RIPOR2: variants seen among roughly 807,000 people sequenced by gnomAD.
RIPOR2 encodes the protein rho family-interacting cell polarization regulator 2.
RIPOR2 carries 39 observed loss-of-function variants against 114.5 expected under a neutral mutation model. That is an observed-to-expected ratio of 0.34 (90% confidence interval 0.26 to 0.44). RIPOR2 has a LOEUF of 0.44. Among genes scored for constraint, RIPOR2 ranks in the 20% least tolerant of loss-of-function variants. The pLI, the probability that RIPOR2 is intolerant of heterozygous loss-of-function variation, is 1.00. For synonymous variants in RIPOR2, 445 were observed against 484.4 expected, an observed-to-expected ratio of 0.92 and a Z score of 1.07; for missense variants, 1,007 against 1,255.1, an observed-to-expected ratio of 0.80 and a Z score of 2.99.
chr6:25,029,411 G>GAAAAA (rs71544610), intron 1 of RIPOR2, among the ~76,000 whole-genome samples: 1,032 of 90,536 alleles, frequency 0.011, 3 homozygotes, highest in Non-Finnish European at 0.015. Flanking sequence ...TCTCAAAAAA[G>GAAAAA]AAAAAAAAAA....
At chr6:24,888,531 G>A (rs1767039351) in intron 1 of RIPOR2, among the ~76,000 whole-genome samples, 1 of 152,166 alleles carries the variant, frequency 6.6e-6, no homozygotes. Context: ...AAAGCCACTA[G>A]GTTCTAGGAG....
At chr6:25,019,072 T>C (rs759959084) in intron 1 of RIPOR2, among the ~76,000 whole-genome samples, 12 of 152,188 alleles carry the variant, frequency 7.9e-5, no homozygotes, top group Non-Finnish European at 1.5e-4. Flanking sequence ...AAAATATATA[T>C]TTAGAATAAC....
chr6:24,955,663 A>G (rs1024616238), intron 1 of RIPOR2, among the ~76,000 whole-genome samples: 4 of 149,556 alleles, frequency 2.7e-5, no homozygotes, highest in African/African-American at 7.4e-5. Flanking sequence ...TTGAAAACCT[A>G]TCTCTTACTC....
At chr6:25,035,878 T>A (rs1051802619) in intron 1 of RIPOR2, among the ~76,000 whole-genome samples, 9 of 152,232 alleles carry the variant, frequency 5.9e-5, no homozygotes, top group Admixed American at 2.6e-4. Flanking sequence ...CAGGTTCTCA[T>A]CTGAAGACAG....
At chr6:24,947,108 T>C (rs2114191313) in intron 1 of RIPOR2, among the ~76,000 whole-genome samples, 1 of 152,214 alleles carries the variant, frequency 6.6e-6, no homozygotes, top group South Asian at 2.1e-4. Context: ...TTCCAGATTG[T>C]GTCTGTTTTT....
At chr6:24,860,384 A>C (rs536549298) in intron 8 of RIPOR2, among the ~76,000 whole-genome samples, 2 of 152,376 alleles carry the variant, frequency 1.3e-5, no homozygotes, top group East Asian at 3.9e-4. Context: ...ATACCTAACA[A>C]CCAATTGTAA....
intron 1 of RIPOR2, among the ~76,000 whole-genome samples, chr6:24,984,038 T>C (rs1438248310): frequency 6.6e-6 from 1 of 152,186 alleles, no homozygotes; most frequent in African/African-American, 2.4e-5. Flanking sequence ...AGAAGCTACA[T>C]GTGGACAATA....
At chr6:25,022,568 T>TTTTTTG (rs1776384246) in intron 1 of RIPOR2, among the ~76,000 whole-genome samples, 1 of 102,248 alleles carries the variant, frequency 9.8e-6, no homozygotes, top group African/African-American at 3.7e-5. Context: ...TTTTTTTTTT[T>TTTTTTG]AGACAGGTTC....
At position 24,839,210 on chromosome 6, in the gene RIPOR2, T is replaced by C; in HGVS notation, c.1920A>G (p.Leu640=). The C allele has an allele frequency of 6.4e-7, 1 of 1,551,848 alleles. No homozygotes were observed. Among genetic ancestry groups the C allele is most frequent in the Non-Finnish European group, 8.7e-7 (1 of 1,147,008 alleles). Residue 640 remains leucine (L), a synonymous_variant, in exon 14 of 22, where the codon TTA becomes TTG. Coordinates refer to ENST00000643898, the MANE Select transcript of RIPOR2 (RefSeq NM_001286445.3). Reference sequence around the variant, plus strand: ...AGGTGTTCAGGAAATCAAAGCTTTCTAAAGCACTTTCAACTGTGAGACTTA... The same window carrying C: ...AGGTGTTCAGGAAATCAAAGCTTTCCAAAGCACTTTCAACTGTGAGACTTA... ...SSLSLTVESA[L]ESFDFLNTSD...
chr6:24,893,124 A>ATTGT (rs2113978279), intron 1 of RIPOR2, among the ~76,000 whole-genome samples: 1 of 152,344 alleles, frequency 6.6e-6, no homozygotes, highest in African/African-American at 2.4e-5. Flanking sequence ...TTGCTTTAAG[A>ATTGT]TACTTCAACA....
chr6:24,934,834 C>T (rs1277769407), intron 1 of RIPOR2, among the ~76,000 whole-genome samples: 1 of 152,122 alleles, frequency 6.6e-6, no homozygotes, highest in Non-Finnish European at 1.5e-5. Flanking sequence ...GCAACCTTTA[C>T]AGTTAAATTC....
rs960837588 is a variant in RIPOR2 at position 24,884,849 on chromosome 6, C to T, written c.62-9032G>A. On this transcript the variant is annotated intron_variant, in intron 1 of 21. Coordinates refer to ENST00000643898, the MANE Select transcript of RIPOR2 (RefSeq NM_001286445.3). ...TTTCTGCTTTAAAACACAGAGAAAACGACGAAGTGCTTTACAAAAGGCAAA... is the reference window on the plus strand; with the variant it reads ...TTTCTGCTTTAAAACACAGAGAAAATGACGAAGTGCTTTACAAAAGGCAAA... Among the ~76,000 whole-genome samples the T allele has an allele frequency of 5.9e-5, 9 of 152,066 alleles. No homozygotes were observed. In the South Asian group the frequency reaches 6.2e-4, roughly 10 times the overall value.
intron 1 of RIPOR2, among the ~76,000 whole-genome samples, chr6:24,909,052 T>TTTGG (rs1769269158): frequency 6.6e-6 from 1 of 152,242 alleles, no homozygotes; most frequent in Non-Finnish European, 1.5e-5. Flanking sequence ...ATGTTTTTGC[T>TTTGG]AAACAGATTC....
intron 1 of RIPOR2, among the ~76,000 whole-genome samples, chr6:24,892,219 C>G (rs917771393): frequency 6.6e-6 from 1 of 152,184 alleles, no homozygotes; most frequent in African/African-American, 2.4e-5. Context: ...CTAATGCACC[C>G]TCCATCACCT....
chr6:24,967,516 G>C (rs934812791), intron 1 of RIPOR2, among the ~76,000 whole-genome samples: 1 of 152,164 alleles, frequency 6.6e-6, no homozygotes, highest in Admixed American at 6.5e-5. Flanking sequence ...CACAGCTGGT[G>C]AGAAGCCAAG....
At position 24,875,602 on chromosome 6, in the gene RIPOR2, A is replaced by G. The variant is rs13220782; in HGVS notation, c.188+89T>C. The G allele has an allele frequency of 0.065, 85,743 of 1,325,840 alleles. 3,452 individuals carry two copies. The highest frequency in any genetic ancestry group is 0.16 in the African/African-American group (10,895 of 66,998). 82.1% of individuals were successfully genotyped at this position (1,325,840 alleles called of 1,614,324 possible). On this transcript the variant is annotated intron_variant, in intron 2 of 21. Coordinates refer to ENST00000643898, the MANE Select transcript of RIPOR2 (RefSeq NM_001286445.3). ...GGAGGAGGCCGGGGGGCGGTTTGACAAGGCTGAATGCACACAGACCCTCTT... is the reference window on the plus strand; with the variant it reads ...GGAGGAGGCCGGGGGGCGGTTTGACGAGGCTGAATGCACACAGACCCTCTT...
At chr6:24,906,317 G>A (rs1364001340) in intron 1 of RIPOR2, among the ~76,000 whole-genome samples, 1 of 152,172 alleles carries the variant, frequency 6.6e-6, no homozygotes, top group Non-Finnish European at 1.5e-5. Context: ...CCTTCAGGGA[G>A]CTCACAGTCT....
chr6:24,979,246 G>A (rs920341963), intron 1 of RIPOR2, among the ~76,000 whole-genome samples: 1 of 150,286 alleles, frequency 6.7e-6, no homozygotes, highest in African/African-American at 2.5e-5. Flanking sequence ...AACCAAAGAA[G>A]GAACATGCAA....
intron 1 of RIPOR2, chr6:25,023,439 A>G: frequency 2.6e-6 from 2 of 766,300 alleles, no homozygotes; most frequent in East Asian, 2.4e-5. Flanking sequence ...TTGAGGACGG[A>G]CACCTGCGCT....
Sources: allele counts gnomAD v4.1 joint callset (sites outside exome capture counted in the v4.1 genomes callset), GRCh38; gene constraint gnomAD v4.1.1; transcripts MANE v1.5; gene names NCBI Gene and HGNC (gene_info 2026-07-23, HGNC 2026-07-21).